The following PPIE variants were observed in gnomAD, a reference collection of about 807,000 sequenced individuals.
PPIE encodes peptidylprolyl isomerase E.
Under a neutral mutation model 38.4 loss-of-function variants are expected in PPIE, and 20 were observed. That is an observed-to-expected ratio of 0.52 (90% CI 0.37 to 0.76). The LOEUF (loss-of-function observed/expected upper bound fraction) is 0.76. Among genes scored for constraint, PPIE ranks in the 30% least tolerant of loss-of-function variants. The probability of loss-of-function intolerance (pLI) is 0.00; values close to 1 mark genes in which losing one functional copy is unlikely to be tolerated. For synonymous variants in PPIE, 142 were observed against 135.7 expected (o/e 1.05, Z -0.32); for missense variants, 322 against 385.8 (o/e 0.83, Z 1.39).
chr1:39,751,274 T>C (rs1647702774), intron 8 of PPIE, among the ~76,000 whole-genome samples: 1 of 152,256 alleles, frequency 6.6e-6, no homozygotes, highest in Non-Finnish European at 1.5e-5. Flanking sequence ...ATATGTATAA[T>C]GGAATTATGT....
rs538442823 is a variant in PPIE at position 39,752,415 on chromosome 1, C to T, written c.695-495C>T. On this transcript the variant is annotated intron_variant, in intron 8 of 9. Coordinates refer to ENST00000324379, the MANE Select transcript of PPIE (RefSeq NM_006112.4). ...ATAAATGACTCCACCATCCACTTAGCCGCTTGATCAGAAACTTAGGAGTCA... is the reference window on the plus strand; with the variant it reads ...ATAAATGACTCCACCATCCACTTAGTCGCTTGATCAGAAACTTAGGAGTCA... Among the ~76,000 whole-genome samples, 235 of 152,350 alleles carry T rather than the reference C, an allele frequency of 1.5e-3. 1 individual carries two copies. Among genetic ancestry groups the T allele is most frequent in the Non-Finnish European group, 2.6e-3 (178 of 68,024 alleles).
intron 9 of PPIE, chr1:39,762,331 A>C (rs1276151335): frequency 1.5e-6 from 1 of 684,768 alleles, no homozygotes; most frequent in Admixed American, 3.5e-5. Flanking sequence ...GAGCCACCGC[A>C]CCTGATCAAG....
At chr1:39,741,111 C>T (rs549339539) in intron 2 of PPIE, among the ~76,000 whole-genome samples, 6 of 152,050 alleles carry the variant, frequency 3.9e-5, no homozygotes, top group East Asian at 3.9e-4. Flanking sequence ...GTTTGGCTTT[C>T]GTAGAATAAT....
chr1:39,739,209 G>A, intron 1 of PPIE: 1 of 387,992 alleles, frequency 2.6e-6, no homozygotes, highest in African/African-American at 2.1e-5. Flanking sequence ...TGACCCACTT[G>A]CCCCCAAGGT....
In PPIE at chr1:39,754,008, C is replaced by T. The variant is rs1569715777; in HGVS notation, c.*653C>T. Reference sequence around the variant, plus strand: ...ATTTGTTTATTTGTTCACTTTCACCCTACAGATTTTAAAAAATGAAATTTT... The same window carrying T: ...ATTTGTTTATTTGTTCACTTTCACCTTACAGATTTTAAAAAATGAAATTTT... On this transcript the variant is annotated 3_prime_UTR_variant, in exon 10 of 10. Transcript: ENST00000324379. The T allele has an allele frequency of 1.0e-6, 1 of 985,392 alleles. No individual in the cohort carries two copies. Among genetic ancestry groups the T allele is most frequent in the East Asian group, 1.1e-4 (1 of 8,824 alleles). 61.0% of individuals were successfully genotyped at this position (985,392 alleles called of 1,614,324 possible). A position where few individuals can be genotyped will look rare whatever the true frequency, so the allele number is the denominator to read the frequency against.
At chr1:39,750,002 G>A (rs184146439) in intron 8 of PPIE, among the ~76,000 whole-genome samples, 5 of 152,128 alleles carry the variant, frequency 3.3e-5, no homozygotes, top group East Asian at 1.9e-4. Context: ...GCGTGGTGGC[G>A]CGTGCCTGTA....
In PPIE at chr1:39,740,186, A is replaced by G; in HGVS notation, c.53A>G (p.Asp18Gly). Residue 18 changes from aspartate to glycine, a missense_variant, in exon 2 of 10, where the codon GAC becomes GGC. Transcript: ENST00000324379. ...LYVGGLAEEV[D>G]DKVLHAAFIP... The stretch of plus-strand genomic sequence containing the variant: ...GCAGGTGGACTGGCAGAGGAAGTGG[A>G]CGACAAAGTTCTTCATGCTGCGTTC... 6.2e-7 allele frequency: 1 copy of G among 1,614,182 alleles called. No individual in the cohort carries two copies. The highest frequency in any genetic ancestry group is 8.5e-7 in the Non-Finnish European group (1 of 1,180,024).
chr1:39,760,670 C>T (rs1648834430), downstream of PPIE: 2 of 1,410,200 alleles, frequency 1.4e-6, no homozygotes, highest in East Asian at 5.0e-5. Flanking sequence ...CCCTGGCCAT[C>T]TCCAGGCCAC....
At position 39,756,064 on chromosome 1, in the gene PPIE, C is replaced by T; in HGVS notation, c.*2709C>T. The T allele has an allele frequency of 1.0e-6, 1 of 985,428 alleles. No individual in the cohort carries two copies. The highest frequency in any genetic ancestry group is 1.2e-6 in the Non-Finnish European group (1 of 829,926). 61.0% of individuals were successfully genotyped at this position (985,428 alleles called of 1,614,324 possible). ...GAGACACAGGAGACAAGACCCTGCT[C>T]TTCCAGGCCAGAAGGGAGGGGAGCC... On this transcript the variant is annotated 3_prime_UTR_variant, in exon 10 of 10. Transcript: ENST00000324379.
At position 39,753,571 on chromosome 1, in the gene PPIE, C is replaced by A; in HGVS notation, c.*216C>A. The A allele has an allele frequency of 1.0e-5, 14 of 1,382,548 alleles. No individual in the cohort carries two copies. Among genetic ancestry groups the A allele is most frequent in the Non-Finnish European group, 1.3e-5 (14 of 1,073,822 alleles). 85.6% of individuals were successfully genotyped at this position (1,382,548 alleles called of 1,614,324 possible). A position where few individuals can be genotyped will look rare whatever the true frequency, so the allele number is the denominator to read the frequency against. ...GTGGGCCCAGGAGCCAGCTCAGGTG[C>A]TCCCCTCCACCATGGGCAGGCTGTG... On this transcript the variant is annotated 3_prime_UTR_variant, in exon 10 of 10. Coordinates refer to ENST00000324379, the MANE Select transcript of PPIE (RefSeq NM_006112.4).
At position 39,755,549 on chromosome 1, in the gene PPIE, TAGGC is replaced by T; in HGVS notation, c.*2200_*2203del. On this transcript the variant is annotated 3_prime_UTR_variant, in exon 10 of 10. Coordinates refer to ENST00000324379, the MANE Select transcript of PPIE (RefSeq NM_006112.4). ...GCCATCAGAGGTCAGTCACAGGTGT[TAGGC>T]AGGCATCTATGAAGCTGGGGATGAT... is the stretch of plus-strand genomic sequence containing the variant. The T allele has an allele frequency of 1.0e-6, 1 of 985,272 alleles. No individual in the cohort carries two copies. The highest frequency in any genetic ancestry group is 1.2e-6 in the Non-Finnish European group (1 of 829,798). The allele number at this position is 985,272 out of a possible 1,614,324, so 61.0% of individuals were successfully genotyped here. A position where few individuals can be genotyped will look rare whatever the true frequency, so the allele number is the denominator to read the frequency against.
At position 39,756,062 on chromosome 1, in the gene PPIE, C is replaced by T. The variant is rs1468056032; in HGVS notation, c.*2707C>T. 1 of 985,300 alleles carries T rather than the reference C, an allele frequency of 1.0e-6. No individual in the cohort carries two copies. Among genetic ancestry groups the T allele is most frequent in the African/African-American group, 1.7e-5 (1 of 57,234 alleles). The allele number at this position is 985,300 out of a possible 1,614,324, so 61.0% of individuals were successfully genotyped here. A position where few individuals can be genotyped will look rare whatever the true frequency, so the allele number is the denominator to read the frequency against. On this transcript the variant is annotated 3_prime_UTR_variant, in exon 10 of 10. Coordinates refer to ENST00000324379, the MANE Select transcript of PPIE (RefSeq NM_006112.4). ...GAGAGACACAGGAGACAAGACCCTG[C>T]TCTTCCAGGCCAGAAGGGAGGGGAG...
At chr1:39,740,093 C>A in intron 1 of PPIE, 72 bp from the exon 2 acceptor site, 1 of 1,218,220 alleles carries the variant, frequency 8.2e-7, no homozygotes, top group Non-Finnish European at 1.2e-6. Context: ...GGCTAGCATG[C>A]TAACTGGGCT....
chr1:39,742,707 T>A (rs1569641014), intron 4 of PPIE: 1 of 152,580 alleles, frequency 6.6e-6, no homozygotes. Context: ...TTTAGTTTCA[T>A]CACAGTAATT....
chr1:39,752,495 A>C (rs1021844359), intron 8 of PPIE, among the ~76,000 whole-genome samples: 1 of 152,170 alleles, frequency 6.6e-6, no homozygotes, highest in Non-Finnish European at 1.5e-5. Flanking sequence ...AGACACACAC[A>C]TATACATGTA....
intron 9 of PPIE, chr1:39,763,561 C>T (rs1182836646): frequency 8.3e-7 from 1 of 1,211,660 alleles, no homozygotes; most frequent in East Asian, 2.7e-5. Flanking sequence ...CCTTTCTCAC[C>T]ATATTCTCAC....
chr1:39,739,728 G>A (rs1023271628), intron 1 of PPIE, among the ~76,000 whole-genome samples: 1 of 152,120 alleles, frequency 6.6e-6, no homozygotes, highest in African/African-American at 2.4e-5. Flanking sequence ...GGGGCAAGTG[G>A]GTCATTATTC....
downstream of PPIE, chr1:39,760,562 G>A: frequency 6.2e-7 from 1 of 1,613,674 alleles, no homozygotes; most frequent in Non-Finnish European, 8.5e-7. Flanking sequence ...GGCATCATCA[G>A]GTGCACCTGG....
At chr1:39,753,095 G>T (rs1647916742) in intron 9 of PPIE, 43 bp downstream of exon 9, 1 of 1,612,194 alleles carries the variant, frequency 6.2e-7, no homozygotes, top group African/African-American at 1.3e-5. Context: ...CAGGCCCTAG[G>T]AGCACAGCCC....
Sources: gnomAD v4.1 joint callset for allele counts (sites outside exome capture counted in the v4.1 genomes callset) on GRCh38, gnomAD v4.1.1 for gene constraint, MANE v1.5 for transcripts, NCBI Gene and HGNC (gene_info 2026-07-23, HGNC 2026-07-21) for gene names.